MMP16: variants seen among roughly 807,000 people sequenced by gnomAD.
MMP16 encodes the protein matrix metalloproteinase-16.
MMP16 carries 12 observed loss-of-function variants against 67.8 expected under a neutral mutation model. The observed-to-expected ratio is 0.18, with a 90% CI of 0.11 to 0.29. The LOEUF (loss-of-function observed/expected upper bound fraction) is 0.29, where lower values mean the gene tolerates loss of function less well. MMP16 is among the 10% of genes least tolerant of loss of function. The pLI, the probability that MMP16 is intolerant of heterozygous loss-of-function variation, is 1.00. For missense variants in MMP16, 475 were observed against 765.7 expected, an observed-to-expected ratio of 0.62 and a Z score of 4.48; for synonymous variants, 249 against 255.9, an observed-to-expected ratio of 0.97 and a Z score of 0.26.
intron 1 of MMP16, among the ~76,000 whole-genome samples, chr8:88,211,280 C>T (rs1809507843): frequency 6.6e-6 from 1 of 152,116 alleles, no homozygotes; most frequent in Non-Finnish European, 1.5e-5. Context: ...ACAAGTGATA[C>T]TTTAGAGGTA....
At chr8:88,223,449 T>C (rs1809717874) in intron 1 of MMP16, among the ~76,000 whole-genome samples, 1 of 151,984 alleles carries the variant, frequency 6.6e-6, no homozygotes. Context: ...AACCAAAATG[T>C]CCATCAATGA....
At chr8:88,055,771 C>T (rs1808324673) in intron 8 of MMP16, among the ~76,000 whole-genome samples, 1 of 151,962 alleles carries the variant, frequency 6.6e-6, no homozygotes, top group Admixed American at 6.6e-5. Context: ...CACAAAAATC[C>T]TGTGCTTGAA....
chr8:88,220,357 TC>T (rs1809661862), intron 1 of MMP16, among the ~76,000 whole-genome samples: 1 of 152,144 alleles, frequency 6.6e-6, no homozygotes, highest in Admixed American at 6.6e-5. Flanking sequence ...TTTTATTTCT[TC>T]CATTTTTTGT....
intron 1 of MMP16, among the ~76,000 whole-genome samples, chr8:88,242,918 A>C (rs2129905053): frequency 6.6e-6 from 1 of 152,286 alleles, no homozygotes; most frequent in African/African-American, 2.4e-5. Context: ...TATATTACCA[A>C]GACACTATTT....
At chr8:88,247,913 CGTT>C (rs1810145431) in intron 1 of MMP16, among the ~76,000 whole-genome samples, 1 of 151,942 alleles carries the variant, frequency 6.6e-6, no homozygotes, top group Admixed American at 6.6e-5. Flanking sequence ...GGTTGTCAAA[CGTT>C]GTTGCACATT....
intron 7 of MMP16, among the ~76,000 whole-genome samples, chr8:88,071,199 A>G (rs1808547639): frequency 1.3e-5 from 2 of 152,150 alleles, no homozygotes; most frequent in Non-Finnish European, 2.9e-5. Flanking sequence ...AGATTTATAA[A>G]AGTTTGAATA....
chr8:88,268,041 T>C (rs995157028), intron 1 of MMP16, among the ~76,000 whole-genome samples: 1 of 152,118 alleles, frequency 6.6e-6, no homozygotes, highest in Non-Finnish European at 1.5e-5. Context: ...GAACAACAGA[T>C]TTACCATAAA....
At chr8:88,154,457 G>C (rs1474686264) in intron 4 of MMP16, among the ~76,000 whole-genome samples, 1 of 145,236 alleles carries the variant, frequency 6.9e-6, no homozygotes, top group Non-Finnish European at 1.5e-5. Flanking sequence ...GCAAAGACTT[G>C]GAACCAACCC....
rs924653599 is a variant in MMP16, at chr8:88,178,026, T to C, written c.404+8450A>G. 7.3e-5 allele frequency among the ~76,000 whole-genome samples: 11 copies of C among 151,646 alleles called. 1 individual carries two copies. The highest frequency in any genetic ancestry group is 9.7e-5 in the African/African-American group (4 of 41,306). ...AGGAGACAAAGAAAAAAAAAAGAACTCTAGAAGAAATTCAGTTACAGCCAA... is the reference window on the plus strand; with the variant it reads ...AGGAGACAAAGAAAAAAAAAAGAACCCTAGAAGAAATTCAGTTACAGCCAA... On this transcript the variant is annotated intron_variant, in intron 3 of 9. Coordinates refer to ENST00000286614, the MANE Select transcript of MMP16 (RefSeq NM_005941.5).
chr8:88,116,016 T>C (rs1167964652), intron 6 of MMP16, among the ~76,000 whole-genome samples: 6 of 152,070 alleles, frequency 3.9e-5, no homozygotes, highest in African/African-American at 9.7e-5. Flanking sequence ...GATAGCTTCA[T>C]AGAGGAGATT....
chr8:88,262,883 A>G (rs1354598532), intron 1 of MMP16, among the ~76,000 whole-genome samples: 13 of 139,750 alleles, frequency 9.3e-5, no homozygotes, highest in South Asian at 2.4e-4. Context: ...AAATTAGCCG[A>G]GCGTGGTAGC....
At chr8:88,214,550 G>A (rs1239811389) in intron 1 of MMP16, among the ~76,000 whole-genome samples, 1 of 151,870 alleles carries the variant, frequency 6.6e-6, no homozygotes, top group Non-Finnish European at 1.5e-5. Flanking sequence ...TGTTTAACAT[G>A]ATGTTTTGAA....
chr8:88,306,162 T>A (rs1811209162), intron 1 of MMP16, among the ~76,000 whole-genome samples: 1 of 152,056 alleles, frequency 6.6e-6, no homozygotes, highest in African/African-American at 2.4e-5. Flanking sequence ...TAAACACCTT[T>A]ATGCACATAA....
At chr8:88,236,718 C>T (rs527345276) in intron 1 of MMP16, among the ~76,000 whole-genome samples, 1 of 152,158 alleles carries the variant, frequency 6.6e-6, no homozygotes, top group African/African-American at 2.4e-5. Context: ...CACTGCACTC[C>T]AGCCTGGGTA....
intron 6 of MMP16, among the ~76,000 whole-genome samples, chr8:88,111,608 C>T (rs1030572143): frequency 1.3e-5 from 2 of 151,602 alleles, no homozygotes; most frequent in Non-Finnish European, 2.9e-5. Flanking sequence ...ATAACTTTGG[C>T]TTTTATTCAA....
chr8:88,046,300 T>C (rs1808198251), intron 9 of MMP16, among the ~76,000 whole-genome samples: 1 of 152,204 alleles, frequency 6.6e-6, no homozygotes, highest in East Asian at 1.9e-4. Flanking sequence ...TTACCAGATA[T>C]AATACCTCGA....
At chr8:88,053,768 C>G (rs1396769961) in intron 8 of MMP16, among the ~76,000 whole-genome samples, 1 of 152,024 alleles carries the variant, frequency 6.6e-6, no homozygotes, top group African/African-American at 2.4e-5. Flanking sequence ...ATGGAGTAAT[C>G]TGTTTATAAA....
intron 1 of MMP16, among the ~76,000 whole-genome samples, chr8:88,207,431 T>C (rs1370771864): frequency 2.6e-5 from 4 of 152,166 alleles, no homozygotes; most frequent in African/African-American, 9.7e-5. Context: ...TAATTGCATA[T>C]CTCAGTAAAA....
At chr8:88,203,776 A>G (rs1330855348) in intron 1 of MMP16, among the ~76,000 whole-genome samples, 3 of 152,244 alleles carry the variant, frequency 2.0e-5, no homozygotes, top group East Asian at 3.8e-4. Context: ...CAAGGTACTT[A>G]TAAGTTGTCA....
Sources: allele counts gnomAD v4.1 joint callset (sites outside exome capture counted in the v4.1 genomes callset), GRCh38; gene constraint gnomAD v4.1.1; transcripts MANE v1.5; gene names NCBI Gene and HGNC (gene_info 2026-07-23, HGNC 2026-07-21).